The following STAT6 variants were observed in gnomAD, a reference collection of about 807,000 sequenced individuals.
The protein encoded by STAT6 is signal transducer and activator of transcription 6, also known as STAT, interleukin4-induced.
In STAT6, 45 loss-of-function variants were observed where a neutral mutation model predicts 106.3. That is an observed-to-expected ratio of 0.42 (90% CI 0.33 to 0.54). The LOEUF is 0.54. Ranked by LOEUF, STAT6 falls within the 20% of genes least tolerant of loss-of-function variation. STAT6 has a pLI of 0.06. For missense variants in STAT6, 797 were observed against 1,062.2 expected (o/e 0.75, Z 3.47); for synonymous variants, 413 against 413.6 (o/e 1.00, Z 0.02).
Position 57,106,447 on chromosome 12 carries a change from G to C in STAT6, c.531+81C>G, listed in dbSNP as rs545501987. 134 of 1,608,146 alleles carry C rather than the reference G, an allele frequency of 8.3e-5. No individual in the cohort carries two copies. In the African/African-American group the frequency reaches 1.7e-3, roughly 20 times the overall value. On this transcript the variant is annotated intron_variant, in intron 6 of 21. Coordinates refer to ENST00000300134, the MANE Select transcript of STAT6 (RefSeq NM_003153.5). ...TCTGGCATTCCCTTGCCCTACTTCA[G>C]CCTGTGTCTTTCTGAGGTCTAGCTT...
intron 6 of STAT6, 72 bp from the exon 7 acceptor site, chr12:57,106,411 T>C (rs1399086800): frequency 6.2e-7 from 1 of 1,608,680 alleles, no homozygotes; most frequent in African/African-American, 1.3e-5. Flanking sequence ...TACGGCTCTT[T>C]TTCTCACTCC....
At chr12:57,102,654 G>A (rs1220899190) in intron 12 of STAT6, among the ~76,000 whole-genome samples, 158 bp from the exon 13 acceptor site, 1 of 152,134 alleles carries the variant, frequency 6.6e-6, no homozygotes, top group African/African-American at 2.4e-5. Context: ...GCTGTGGCCT[G>A]ATAGTTGTTA....
intron 1 of STAT6, among the ~76,000 whole-genome samples, chr12:57,109,026 A>G (rs1279983759): frequency 1.3e-5 from 2 of 152,038 alleles, no homozygotes; most frequent in Non-Finnish European, 1.5e-5. Flanking sequence ...GTGAAACCCC[A>G]TCTCTACTAA....
chr12:57,104,386 A>T (rs2034140368), intron 11 of STAT6, 78 bp downstream of exon 11: 2 of 1,536,596 alleles, frequency 1.3e-6, no homozygotes, highest in Admixed American at 2.0e-5. Context: ...ACAAGAGGTG[A>T]GGGTCCAGGG....
At chr12:57,104,257 G>C (rs1270713451) in intron 11 of STAT6, 9 of 651,390 alleles carry the variant, frequency 1.4e-5, no homozygotes, top group Non-Finnish European at 2.3e-5. Context: ...AAGTGCTTCC[G>C]AAGTGTTTGC....
At chr12:57,100,570 T>G (rs2033757276) in intron 13 of STAT6, among the ~76,000 whole-genome samples, 1 of 151,092 alleles carries the variant, frequency 6.6e-6, no homozygotes, top group African/African-American at 2.4e-5. Flanking sequence ...TCTGGTCACA[T>G]GAGCATTTCT....
chr12:57,109,328 C>T (rs983078103), intron 1 of STAT6, among the ~76,000 whole-genome samples: 2 of 152,174 alleles, frequency 1.3e-5, no homozygotes, highest in Non-Finnish European at 2.9e-5. Flanking sequence ...GCATTACACT[C>T]AGTGTATTAT....
intron 2 of STAT6, 82 bp downstream of exon 2, chr12:57,108,081 G>T: frequency 2.2e-6 from 2 of 910,314 alleles, no homozygotes; most frequent in Non-Finnish European, 3.5e-6. Flanking sequence ...CTGAATCCAT[G>T]GGTGAGGGGA....
intron 13 of STAT6, among the ~76,000 whole-genome samples, chr12:57,100,646 A>G (rs749763028): frequency 3.9e-5 from 3 of 77,552 alleles, no homozygotes; most frequent in South Asian, 4.8e-4. Flanking sequence ...AAGAGAAAGA[A>G]AGAAAGAAAG....
chr12:57,106,537 C>T lies in STAT6; in HGVS notation c.522G>A (p.Gly174=), dbSNP rs2034287616. Residue 174 remains glycine, a synonymous_variant, in exon 6 of 22, where the codon GGG becomes GGA. Transcript: ENST00000300134. ...TCAGCCCATTACTCACCTCACTTGG[C>T]CCAGTCCCATTAGCAGGAGTTTCTA... ...SLIETPANGT[G]PSEALAMLLQ... 1 of 1,614,040 alleles carries T rather than the reference C, an allele frequency of 6.2e-7. No individual in the cohort carries two copies. The highest frequency in any genetic ancestry group is 1.7e-5 in the Admixed American group (1 of 59,992).
In STAT6 at chr12:57,100,084, G is replaced by A; in HGVS notation, c.1519C>T (p.Leu507=). The change falls in exon 14 of 22, where the codon CTG becomes TTG. Residue 507 remains leucine, a synonymous_variant. Transcript: ENST00000300134. ...VSWSQFNKEI[L]LGRGFTFWQW... ...CAAAAGGTGAAGCCACGGCCCAGCAGGATCTCCTAGGGGGAGAGGGGGAAA... is the reference window on the plus strand; with the variant it reads ...CAAAAGGTGAAGCCACGGCCCAGCAAGATCTCCTAGGGGGAGAGGGGGAAA... 1 of 1,597,710 alleles carries A rather than the reference G, an allele frequency of 6.3e-7. No homozygotes were observed. The highest frequency in any genetic ancestry group is 8.5e-7 in the Non-Finnish European group (1 of 1,172,162).
chr12:57,107,774 G>C (rs773913122), intron 2 of STAT6, 31 bp from the exon 3 acceptor site: 2 of 1,612,994 alleles, frequency 1.2e-6, no homozygotes, highest in Non-Finnish European at 1.7e-6. Context: ...GGCTACCTCA[G>C]GCCAGGGCTT....
intron 9 of STAT6, 102 bp from the exon 10 acceptor site, chr12:57,104,915 C>A: frequency 1.4e-6 from 2 of 1,383,332 alleles, no homozygotes. Context: ...AGCCCTAAAT[C>A]TCCATGTCTC....
chr12:57,106,360 G>A, intron 6 of STAT6, 21 bp from the exon 7 acceptor site: 1 of 1,614,010 alleles, frequency 6.2e-7, no homozygotes, highest in Non-Finnish European at 8.5e-7. Context: ...AGAGGGGCCT[G>A]AGCCAGGGCC....
intron 7 of STAT6, 161 bp from the exon 8 acceptor site, chr12:57,105,760 T>C: frequency 1.6e-6 from 2 of 1,238,492 alleles, no homozygotes; most frequent in African/African-American, 1.5e-5. Context: ...GGTTCTGTGA[T>C]CTGTTGGCCT....
intron 4 of STAT6, 51 bp from the exon 5 acceptor site, chr12:57,106,882 T>C (rs1306939463): frequency 6.2e-7 from 1 of 1,606,262 alleles, no homozygotes. Flanking sequence ...CTCATCCCTC[T>C]ATACCTGGCC....
At chr12:57,097,826 A>G (rs2033548569) in intron 19 of STAT6, among the ~76,000 whole-genome samples, 1 of 152,102 alleles carries the variant, frequency 6.6e-6, no homozygotes. Context: ...CTCGAGCCCA[A>G]GAGGCGGAGG....
intron 1 of STAT6, among the ~76,000 whole-genome samples, chr12:57,109,768 C>A (rs1356600923): frequency 1.3e-5 from 2 of 152,058 alleles, no homozygotes; most frequent in African/African-American, 4.8e-5. Context: ...GTTGCATCCC[C>A]ATTTCCAGGT....
Position 57,099,790 on chromosome 12 carries a change from G to A in STAT6, c.1721C>T (p.Ala574Val). Residue 574 changes from alanine (A) to valine (V), a missense_variant, in exon 15 of 22, where the codon GCC (alanine) becomes GTC (valine). By Grantham distance (64) the Ala-to-Val change is moderately conservative. Coordinates refer to ENST00000300134, the MANE Select transcript of STAT6 (RefSeq NM_003153.5). This position sits in a 1 kb window ranked among gnomAD's most constrained non-coding sequence, Gnocchi z 4.7. ...SDSEIGGITIAHVIRGQDGSP... is the reference protein window; with the variant it reads ...SDSEIGGITIVHVIRGQDGSP... ...ACCATCCTGGCCCCGGATGACATGG[G>A]CAATGGTGATGCCCCCAATCTCTGA... The A allele has an allele frequency of 1.2e-6, 2 of 1,614,106 alleles. No individual in the cohort carries two copies. The highest frequency in any genetic ancestry group is 8.5e-7 in the Non-Finnish European group (1 of 1,180,004).
Sources: allele counts gnomAD v4.1 joint callset (sites outside exome capture counted in the v4.1 genomes callset), GRCh38; gene constraint gnomAD v4.1.1; non-coding constraint Gnocchi (gnomAD v3.1); transcripts MANE v1.5; gene names NCBI Gene and HGNC (gene_info 2026-07-23, HGNC 2026-07-21).